ATP9A: variants seen among roughly 807,000 people sequenced by gnomAD.
The protein encoded by ATP9A is probable phospholipid-transporting ATPase IIA.
ATP9A carries 52 observed loss-of-function variants against 144.1 expected under a neutral mutation model. The ratio of observed to expected loss-of-function variants is 0.36; its 90% CI spans 0.29 to 0.45. ATP9A has a LOEUF of 0.45. Ranked by LOEUF, ATP9A falls within the 20% of genes least tolerant of loss-of-function variation. The pLI, the probability that ATP9A is intolerant of heterozygous loss-of-function variation, is 1.00. For missense variants in ATP9A, 947 were observed against 1,392.7 expected, an observed-to-expected ratio of 0.68 and a Z score of 5.09; for synonymous variants, 582 against 557.4, an observed-to-expected ratio of 1.04 and a Z score of -0.62.
chr20:51,690,217 A>G (rs370022747), intron 8 of ATP9A, among the ~76,000 whole-genome samples: 108 of 151,784 alleles, frequency 7.1e-4, no homozygotes, highest in Middle Eastern at 3.4e-3. Flanking sequence ...TCAGGGGATC[A>G]AGACCATCCT....
intron 1 of ATP9A, among the ~76,000 whole-genome samples, chr20:51,754,158 TC>T (rs1000654035): frequency 8.5e-5 from 13 of 152,110 alleles, no homozygotes; most frequent in African/African-American, 1.9e-4. Flanking sequence ...AGCTCAGTGT[TC>T]CTGTGACTTG....
intron 1 of ATP9A, among the ~76,000 whole-genome samples, chr20:51,761,618 A>G (rs1304001272): frequency 6.6e-6 from 1 of 151,970 alleles, no homozygotes; most frequent in East Asian, 1.9e-4. Context: ...AAATTAGCCG[A>G]GCGTGGTGAC....
intron 4 of ATP9A, among the ~76,000 whole-genome samples, chr20:51,704,878 T>A (rs1428222807): frequency 3.3e-5 from 5 of 152,252 alleles, no homozygotes; most frequent in Non-Finnish European, 1.5e-5. Flanking sequence ...GATTCACTTG[T>A]ACCTGCTGAT....
At chr20:51,637,902 T>A (rs1051237626) in intron 15 of ATP9A, among the ~76,000 whole-genome samples, 3 of 150,784 alleles carry the variant, frequency 2.0e-5, no homozygotes, top group Non-Finnish European at 4.4e-5. Flanking sequence ...GTATTATTCT[T>A]AAGCCTTTGC....
At chr20:51,647,932 A>G (rs1238070809) in intron 14 of ATP9A, among the ~76,000 whole-genome samples, 2 of 152,180 alleles carry the variant, frequency 1.3e-5, no homozygotes, top group Non-Finnish European at 2.9e-5. Flanking sequence ...TCTTCTGAAC[A>G]ACCACAATCC....
At chr20:51,768,187 G>C in intron 1 of ATP9A, 115 bp downstream of exon 1, 2 of 548,236 alleles carry the variant, frequency 3.6e-6, no homozygotes, top group East Asian at 5.3e-5. Context: ...CCCTGCCCCA[G>C]GCTCATGGCG....
At chr20:51,681,668 C>T (rs896530792) in intron 9 of ATP9A, among the ~76,000 whole-genome samples, 2 of 152,080 alleles carry the variant, frequency 1.3e-5, no homozygotes, top group South Asian at 4.1e-4. Context: ...ATGATCCACT[C>T]GCCTCAGCCT....
intron 3 of ATP9A, among the ~76,000 whole-genome samples, chr20:51,721,516 T>C (rs993505976): frequency 1.3e-5 from 2 of 152,052 alleles, no homozygotes; most frequent in Non-Finnish European, 2.9e-5. Flanking sequence ...AAACAATTCT[T>C]GGGCCAGGCG....
chr20:51,632,528 A>G (rs2077274008), intron 15 of ATP9A, among the ~76,000 whole-genome samples: 2 of 152,148 alleles, frequency 1.3e-5, no homozygotes, highest in South Asian at 4.1e-4. Context: ...CAGGATGCTG[A>G]GCGGCATCCC....
Position 51,598,520 on chromosome 20 carries a change from A to ATGAC in ATP9A, c.*2690_*2691insGTCA, listed in dbSNP as rs1440183719. 1 of 152,022 alleles carries ATGAC rather than the reference A, an allele frequency of 6.6e-6. No homozygotes were observed. The highest frequency in any genetic ancestry group is 1.5e-5 in the Non-Finnish European group (1 of 68,022). The allele number at this position is 152,022 out of a possible 1,614,324, so 9.4% of individuals were successfully genotyped here. A position where few individuals can be genotyped will look rare whatever the true frequency, so the allele number is the denominator to read the frequency against. On this transcript the variant is annotated 3_prime_UTR_variant, in exon 28 of 28. Transcript: ENST00000338821. The stretch of plus-strand genomic sequence containing the variant: ...TTTCCAGATTGATGAACCAAGAAAA[A>ATGAC]GGTCAACTGAATCCTTATGCTTAAG...
chr20:51,683,265 TTTG>T (rs768499114), intron 9 of ATP9A, among the ~76,000 whole-genome samples: 5 of 151,414 alleles, frequency 3.3e-5, no homozygotes, highest in Non-Finnish European at 7.4e-5. Flanking sequence ...TGTTTGTTTG[TTTG>T]TTTTTATTTT....
chr20:51,768,222 G>T (rs2077914205), intron 1 of ATP9A, 80 bp downstream of exon 1: 3 of 986,668 alleles, frequency 3.0e-6, no homozygotes, highest in East Asian at 3.7e-5. Context: ...CGGCCAACCT[G>T]TCAGGCCCGG....
intron 13 of ATP9A, among the ~76,000 whole-genome samples, chr20:51,669,760 T>C (rs1188210580): frequency 2.6e-5 from 4 of 152,036 alleles, no homozygotes; most frequent in Non-Finnish European, 5.9e-5. Flanking sequence ...GTGGGTGTCA[T>C]GGGTATAGAA....
chr20:51,618,800 G>C lies in ATP9A; in HGVS notation c.2212C>G (p.Leu738Val), dbSNP rs1361391468. 6.3e-7 allele frequency: 1 copy of C among 1,590,716 alleles called. No homozygotes were observed. The highest frequency in any genetic ancestry group is 1.3e-5 in the African/African-American group (1 of 74,572). Residue 738 changes from leucine to valine, a missense_variant, in exon 21 of 28, where the codon CTC becomes GTC. By Grantham distance (32) the Leu-to-Val change is conservative (BLOSUM62 1). This residue lies in a region of ATP9A where 770 missense variants were observed against 1,047.9 expected (regional missense o/e 0.73). Coordinates refer to ENST00000338821, the MANE Select transcript of ATP9A (RefSeq NM_006045.3). ...ATGAACTCGTACTCATAGTACTTGAGGCAAACCTGCAGGGTGGAGGGAGAG... is the reference window on the plus strand; with the variant it reads ...ATGAACTCGTACTCATAGTACTTGACGCAAACCTGCAGGGTGGAGGGAGAG... ...VISGDSLEVC[L>V]KYYEYEFMEL...
chr20:51,723,167 A>G (rs1329935406), intron 3 of ATP9A, among the ~76,000 whole-genome samples: 1 of 152,208 alleles, frequency 6.6e-6, no homozygotes, highest in African/African-American at 2.4e-5. Context: ...ACCAAACATC[A>G]TATGTTTTCA....
At chr20:51,628,793 A>C (rs2077259847) in intron 16 of ATP9A, among the ~76,000 whole-genome samples, 187 bp downstream of exon 16, 1 of 152,252 alleles carries the variant, frequency 6.6e-6, no homozygotes, top group African/African-American at 2.4e-5. Flanking sequence ...CAGTTCAGCC[A>C]CACCAGCATC....
intron 1 of ATP9A, among the ~76,000 whole-genome samples, chr20:51,762,878 T>A (rs945549492): frequency 1.3e-5 from 2 of 151,534 alleles, no homozygotes; most frequent in African/African-American, 4.9e-5. Flanking sequence ...CCTGGCTTTT[T>A]TTATTATTAT....
intron 4 of ATP9A, among the ~76,000 whole-genome samples, chr20:51,703,119 T>C (rs1224370925): frequency 2.0e-5 from 3 of 152,204 alleles, no homozygotes; most frequent in African/African-American, 7.2e-5. Context: ...GTTTTGTGTT[T>C]TTTTAAACTC....
intron 16 of ATP9A, 57 bp from the exon 17 acceptor site, chr20:51,627,740 G>GTCCTTCCCCAGTGA: frequency 1.4e-6 from 2 of 1,458,532 alleles, no homozygotes; most frequent in Non-Finnish European, 1.9e-6. Flanking sequence ...GACCTCACTG[G>GTCCTTCCCCAGTGA]GGAAGGACCA....
Sources: gnomAD v4.1 joint callset for allele counts (sites outside exome capture counted in the v4.1 genomes callset) on GRCh38, gnomAD v4.1.1 for gene constraint, gnomAD v4.1.1 regional missense constraint, MANE v1.5 for transcripts, NCBI Gene and HGNC (gene_info 2026-07-23, HGNC 2026-07-21) for gene names.